The following CPD variants were observed in gnomAD, a reference collection of about 807,000 sequenced individuals.
The protein encoded by CPD is metallocarboxypeptidase D.
A neutral mutation model predicts 138.3 loss-of-function variants in CPD; 69 were observed. The ratio of observed to expected loss-of-function variants is 0.50; its 90% confidence interval spans 0.41 to 0.61. CPD has a LOEUF of 0.61. Ranked by LOEUF, CPD falls within the 20% of genes least tolerant of loss-of-function variation. CPD has a pLI of 0.00. For missense variants in CPD, 1,432 were observed against 1,733.3 expected (o/e 0.83, Z 3.09); for synonymous variants, 651 against 642.1 (o/e 1.01, Z -0.21).
chr17:30,409,059 G>A (rs923255315), intron 2 of CPD, among the ~76,000 whole-genome samples: 5 of 152,116 alleles, frequency 3.3e-5, no homozygotes, highest in Non-Finnish European at 7.3e-5. Context: ...AGAGTTTTTA[G>A]CATGAAGGGC....
Position 30,390,499 on chromosome 17 carries a change from G to A in CPD, c.994+5263G>A, listed in dbSNP as rs61062046. ...TATTAATATAGCAAATATTTACTGA[G>A]TTCCTGCCGTGCCACATATACTGTA... On this transcript the variant is annotated intron_variant, in intron 2 of 20. Coordinates refer to ENST00000225719, the MANE Select transcript of CPD (RefSeq NM_001304.5). Among the ~76,000 whole-genome samples, 1,246 of 152,278 alleles carry A rather than the reference G, an allele frequency of 8.2e-3. 13 individuals carry two copies. Among genetic ancestry groups the A allele is most frequent in the African/African-American group, 0.029 (1,194 of 41,560 alleles).
chr17:30,425,675 AAT>A (rs1912387603), intron 6 of CPD, among the ~76,000 whole-genome samples: 1 of 151,840 alleles, frequency 6.6e-6, no homozygotes, highest in African/African-American at 2.4e-5. Context: ...AAAAAAAACA[AAT>A]AGAGTTCCCC....
chr17:30,462,004 C>G lies in CPD; in HGVS notation c.3758C>G (p.Ala1253Gly). Residue 1253 changes from alanine to glycine, a missense_variant, in exon 19 of 21, where the codon GCG becomes GGG. By Grantham distance (60) the Ala-to-Gly change is moderately conservative (BLOSUM62 0). Around this residue, in one of 6 missense-constraint regions of CPD, gnomAD observed 366 missense variants for 518.8 expected, o/e 0.71. Transcript: ENST00000225719. ...GGAGGTTATTTCCATGTACTCTTAGCGCCAGGTGTCCATAACATTATTGCC... is the reference window on the plus strand; with the variant it reads ...GGAGGTTATTTCCATGTACTCTTAGGGCCAGGTGTCCATAACATTATTGCC... ...KEGGYFHVLLAPGVHNIIAIA... is the reference protein window; with the variant it reads ...KEGGYFHVLLGPGVHNIIAIA... 1 of 1,613,844 alleles carries G rather than the reference C, an allele frequency of 6.2e-7. No homozygotes were observed. Among genetic ancestry groups the G allele is most frequent in the Non-Finnish European group, 8.5e-7 (1 of 1,179,858 alleles).
chr17:30,412,285 C>T (rs1911987372), intron 2 of CPD, among the ~76,000 whole-genome samples: 1 of 152,190 alleles, frequency 6.6e-6, no homozygotes, highest in South Asian at 2.1e-4. Context: ...TATGAGGTGT[C>T]TGTCGGCCCC....
chr17:30,421,485 G>A (rs1303609744), intron 3 of CPD, among the ~76,000 whole-genome samples, 179 bp from the exon 4 acceptor site: 7 of 152,204 alleles, frequency 4.6e-5, no homozygotes, highest in Admixed American at 2.0e-4. Flanking sequence ...TATGACTTAA[G>A]TTTAAGGATT....
chr17:30,396,738 TA>T (rs2143336927), intron 2 of CPD, among the ~76,000 whole-genome samples: 1 of 152,336 alleles, frequency 6.6e-6, no homozygotes, highest in East Asian at 1.9e-4. Context: ...GACAGATTCC[TA>T]ATGGTTACAC....
chr17:30,380,453 T>C, intron 1 of CPD: 2 of 1,253,532 alleles, frequency 1.6e-6, no homozygotes, highest in South Asian at 5.6e-5. Context: ...CGCTTCATTT[T>C]AGACTCTGAA....
In CPD at chr17:30,469,922, A is replaced by T. The variant is rs1315890555; in HGVS notation, c.*5108A>T. On this transcript the variant is annotated 3_prime_UTR_variant, in exon 21 of 21. Transcript: ENST00000225719. ...TTTCATAAACAGTAATCTAGTTATT[A>T]TGTTCAGCTTTTCAGATTTATAATA... The T allele has an allele frequency of 6.6e-6, 1 of 152,116 alleles. No homozygotes were observed. The highest frequency in any genetic ancestry group is 1.5e-5 in the Non-Finnish European group (1 of 67,994). 9.4% of individuals were successfully genotyped at this position (152,116 alleles called of 1,614,324 possible).
At chr17:30,400,213 TC>T (rs1172792180) in intron 2 of CPD, among the ~76,000 whole-genome samples, 1 of 152,176 alleles carries the variant, frequency 6.6e-6, no homozygotes, top group Non-Finnish European at 1.5e-5. Context: ...TTTCCTGCCT[TC>T]TATTGGATTG....
At position 30,384,358 on chromosome 17, in the gene CPD, C is replaced by A. The variant is rs377159000; in HGVS notation, c.747-631C>A. On this transcript the variant is annotated intron_variant, in intron 1 of 20. Coordinates refer to ENST00000225719, the MANE Select transcript of CPD (RefSeq NM_001304.5). ...TCCTATCTTAAAAATTCTCTTTGGA[C>A]GGTAAATGTAAAAAGCATAAAAGTT... Among the ~76,000 whole-genome samples, 242 of 152,100 alleles carry A rather than the reference C, an allele frequency of 1.6e-3. 1 individual carries two copies. Among genetic ancestry groups the A allele is most frequent in the African/African-American group, 5.7e-3 (236 of 41,478 alleles).
intron 2 of CPD, among the ~76,000 whole-genome samples, chr17:30,388,628 G>T (rs1329305413): frequency 6.6e-6 from 1 of 152,214 alleles, no homozygotes; most frequent in Non-Finnish European, 1.5e-5. Flanking sequence ...AAGGGTAAGG[G>T]GGGCCTAGGA....
At chr17:30,395,504 G>C (rs192728263) in intron 2 of CPD, among the ~76,000 whole-genome samples, 19 of 152,194 alleles carry the variant, frequency 1.2e-4, no homozygotes, top group Non-Finnish European at 1.0e-4. Context: ...TCACGAGTTG[G>C]CTTTAGTAAA....
intron 12 of CPD, among the ~76,000 whole-genome samples, chr17:30,447,736 C>T (rs1156400859): frequency 6.6e-6 from 1 of 151,970 alleles, no homozygotes; most frequent in Non-Finnish European, 1.5e-5. Context: ...GATCGTGGGT[C>T]CCAGGGAAAA....
At position 30,427,483 on chromosome 17, in the gene CPD, A is replaced by C; in HGVS notation, c.1942A>C (p.Thr648Pro). The C allele has an allele frequency of 1.2e-6, 2 of 1,614,148 alleles. No homozygotes were observed. The highest frequency in any genetic ancestry group is 4.5e-5 in the East Asian group (2 of 44,872). ...PDQFVQITDP[T>P]QPETIAVMSW... ...CCAGTTTGTTCAGATCACAGATCCT[A>C]CGCAACCAGAAACTATTGCTGTAAT... The change falls in exon 7 of 21, where the codon ACG becomes CCG. Residue 648 changes from threonine to proline, a missense_variant. Thr to Pro is a conservative substitution (Grantham distance 38). Transcript: ENST00000225719.
At chr17:30,429,673 T>C (rs576320602) in intron 7 of CPD, among the ~76,000 whole-genome samples, 1 of 152,094 alleles carries the variant, frequency 6.6e-6, no homozygotes, top group Non-Finnish European at 1.5e-5. Flanking sequence ...CGTGAAACCC[T>C]CAAAAAAGCA....
At chr17:30,429,168 C>T (rs889906584) in intron 7 of CPD, among the ~76,000 whole-genome samples, 1 of 152,110 alleles carries the variant, frequency 6.6e-6, no homozygotes, top group African/African-American at 2.4e-5. Flanking sequence ...TGAAGTTATA[C>T]CCTGGTTGGC....
At chr17:30,440,016 G>A (rs1325238605) in intron 9 of CPD, among the ~76,000 whole-genome samples, 14 of 128,314 alleles carry the variant, frequency 1.1e-4, no homozygotes. Flanking sequence ...CTAGTTTACA[G>A]TCCCACCAAC....
intron 2 of CPD, among the ~76,000 whole-genome samples, chr17:30,385,873 A>G (rs766300043): frequency 1.3e-5 from 2 of 151,614 alleles, no homozygotes; most frequent in Non-Finnish European, 2.9e-5. Flanking sequence ...CACTTTCTTC[A>G]TGGTAAGATT....
At chr17:30,390,297 G>A (rs1275955343) in intron 2 of CPD, among the ~76,000 whole-genome samples, 1 of 152,080 alleles carries the variant, frequency 6.6e-6, no homozygotes, top group Non-Finnish European at 1.5e-5. Flanking sequence ...GATTATAAAC[G>A]GGAGCCACAT....
Sources: allele counts gnomAD v4.1 joint callset (sites outside exome capture counted in the v4.1 genomes callset), GRCh38; gene constraint gnomAD v4.1.1; regional missense constraint gnomAD v4.1.1; transcripts MANE v1.5; gene names NCBI Gene and HGNC (gene_info 2026-07-23, HGNC 2026-07-21).